ADGRL2: variants seen among roughly 807,000 people sequenced by gnomAD.
ADGRL2 encodes the protein adhesion G protein-coupled receptor L2.
A neutral mutation model predicts 157.4 loss-of-function variants in ADGRL2; 44 were observed. That is an observed-to-expected ratio of 0.28 (90% CI 0.22 to 0.36). ADGRL2 has a LOEUF of 0.36. ADGRL2 is among the 10% of genes least tolerant of loss of function. The pLI is 1.00. For synonymous variants in ADGRL2, 585 were observed against 624.7 expected (o/e 0.94, Z 0.95); for missense variants, 1,510 against 1,768.9 (o/e 0.85, Z 2.63).
At chr1:81,630,376 G>A (rs555312048) in intron 3 of ADGRL2, among the ~76,000 whole-genome samples, 22 of 152,074 alleles carry the variant, frequency 1.4e-4, no homozygotes, top group South Asian at 6.2e-4. Flanking sequence ...TTTAATCATC[G>A]AATACTTTTT....
chr1:81,981,060 T>C, intron 18 of ADGRL2: 1 of 429,026 alleles, frequency 2.3e-6, no homozygotes, highest in East Asian at 4.2e-5. Flanking sequence ...TGCTTTCTTA[T>C]TACTTTCTAT....
chr1:81,465,405 AAAAG>A (rs2078032246), intron 2 of ADGRL2, among the ~76,000 whole-genome samples: 1 of 152,192 alleles, frequency 6.6e-6, no homozygotes, highest in Non-Finnish European at 1.5e-5. Context: ...ATAAATAAGT[AAAAG>A]AAACTAATTT....
intron 3 of ADGRL2, among the ~76,000 whole-genome samples, chr1:81,650,627 A>G (rs1327467417): frequency 6.6e-6 from 1 of 152,054 alleles, no homozygotes; most frequent in Non-Finnish European, 1.5e-5. Context: ...TGTCACTGAT[A>G]TGAGTTTTAA....
chr1:81,934,923 G>A (rs1290524964), intron 3 of ADGRL2, among the ~76,000 whole-genome samples: 1 of 151,870 alleles, frequency 6.6e-6, no homozygotes, highest in African/African-American at 2.4e-5. Flanking sequence ...GTTTTTAATG[G>A]GACCAAGTTA....
chr1:81,350,168 A>G (rs1662780161), intron 1 of ADGRL2, among the ~76,000 whole-genome samples: 1 of 152,188 alleles, frequency 6.6e-6, no homozygotes, highest in African/African-American at 2.4e-5. Flanking sequence ...AATAAAACAA[A>G]AAATACACTA....
intron 19 of ADGRL2, among the ~76,000 whole-genome samples, chr1:81,983,331 T>G (rs183098306): frequency 1.3e-5 from 2 of 152,088 alleles, no homozygotes; most frequent in Admixed American, 1.3e-4. Flanking sequence ...AATGGTTAAG[T>G]TAAAATCATG....
chr1:81,475,543 G>A (rs1171368954), intron 2 of ADGRL2, among the ~76,000 whole-genome samples: 1 of 152,140 alleles, frequency 6.6e-6, no homozygotes, highest in African/African-American at 2.4e-5. Flanking sequence ...TTTGACCAAT[G>A]TTAGCCTAAG....
chr1:81,787,632 G>C (rs1460427861), intron 2 of ADGRL2, among the ~76,000 whole-genome samples: 3 of 151,998 alleles, frequency 2.0e-5, no homozygotes, highest in Non-Finnish European at 4.4e-5. Flanking sequence ...TTCAGCCTGG[G>C]TGACAGAGCA....
At chr1:81,751,129 G>T (rs959725064) in intron 1 of ADGRL2, among the ~76,000 whole-genome samples, 1 of 152,126 alleles carries the variant, frequency 6.6e-6, no homozygotes, top group East Asian at 1.9e-4. Context: ...AGACAGAAGA[G>T]GATCATACTG....
intron 2 of ADGRL2, among the ~76,000 whole-genome samples, chr1:81,456,083 G>A (rs2077799121): frequency 6.6e-6 from 1 of 152,146 alleles, no homozygotes; most frequent in African/African-American, 2.4e-5. Context: ...TTAATTTTAA[G>A]TATCAATGCA....
Position 81,830,484 on chromosome 1 carries a change from A to G in ADGRL2, c.-100-6401A>G, listed in dbSNP as rs1326662835. 2.0e-5 allele frequency among the ~76,000 whole-genome samples: 3 copies of G among 152,154 alleles called. No individual in the cohort carries two copies. The East Asian group carries it at 5.8e-4, about 29-fold the overall frequency. ...CAGCTTCTTACTGTGTATTCTTTAT[A>G]GTTAATTTTTCACATATATCTATAT... On this transcript the variant is annotated intron_variant, in intron 1 of 23. Transcript: ENST00000686636.
At chr1:81,424,631 C>A (rs1032483896) in intron 1 of ADGRL2, among the ~76,000 whole-genome samples, 5 of 152,120 alleles carry the variant, frequency 3.3e-5, no homozygotes, top group African/African-American at 9.7e-5. Flanking sequence ...TGAGGTTAAG[C>A]CTTGGCTTTA....
At chr1:81,832,423 G>A (rs111682079) in intron 1 of ADGRL2, among the ~76,000 whole-genome samples, 144 of 152,316 alleles carry the variant, frequency 9.5e-4, no homozygotes, top group Non-Finnish European at 1.3e-3. Flanking sequence ...GATTACAGGA[G>A]TGAGCCACCT....
At chr1:81,958,235 C>T (rs1002125655) in intron 11 of ADGRL2, among the ~76,000 whole-genome samples, 3 of 149,008 alleles carry the variant, frequency 2.0e-5, no homozygotes, top group South Asian at 2.1e-4. Flanking sequence ...CCAGCCTGGG[C>T]GACAAGAGCA....
intron 1 of ADGRL2, among the ~76,000 whole-genome samples, chr1:81,754,651 T>G (rs2085618651): frequency 6.8e-6 from 1 of 147,672 alleles, no homozygotes; most frequent in Admixed American, 6.8e-5. Context: ...TTTCCTTTCC[T>G]TCCTTCCTCC....
chr1:81,452,539 C>A (rs868464283), intron 2 of ADGRL2, among the ~76,000 whole-genome samples: 1 of 152,136 alleles, frequency 6.6e-6, no homozygotes, highest in African/African-American at 2.4e-5. Flanking sequence ...CCCAAGCAAG[C>A]AGGACTACTG....
intron 3 of ADGRL2, among the ~76,000 whole-genome samples, chr1:81,585,167 A>G (rs1037499877): frequency 2.6e-5 from 4 of 152,146 alleles, no homozygotes; most frequent in African/African-American, 9.7e-5. Context: ...TTTGTTGGTG[A>G]ATCTTAAACT....
chr1:81,692,422 G>A (rs1211839589), intron 3 of ADGRL2, among the ~76,000 whole-genome samples: 1 of 152,156 alleles, frequency 6.6e-6, no homozygotes, highest in East Asian at 1.9e-4. Context: ...GGATAACAGA[G>A]ATGCCAACCC....
intron 2 of ADGRL2, among the ~76,000 whole-genome samples, chr1:81,485,665 A>G (rs893137480): frequency 4.6e-5 from 7 of 152,208 alleles, no homozygotes; most frequent in African/African-American, 1.7e-4. Context: ...TAGGGTGCAC[A>G]CAGGTACCAA....
Sources: allele counts gnomAD v4.1 joint callset (sites outside exome capture counted in the v4.1 genomes callset), GRCh38; gene constraint gnomAD v4.1.1; transcripts MANE v1.5; gene names NCBI Gene and HGNC (gene_info 2026-07-23, HGNC 2026-07-21).